NTAQ1: variants seen among roughly 807,000 people sequenced by gnomAD.
NTAQ1 encodes the protein protein N-terminal glutamine amidohydrolase.
NTAQ1 carries 21 observed loss-of-function variants against 28.2 expected under a neutral mutation model. That is an observed-to-expected ratio of 0.74 (90% CI 0.53 to 1.07). The LOEUF (loss-of-function observed/expected upper bound fraction) is 1.07, where lower values mean the gene tolerates loss of function less well. NTAQ1 is among the 50% of genes least tolerant of loss of function. The probability of loss-of-function intolerance (pLI) is 0.00; values close to 1 mark genes in which losing one functional copy is unlikely to be tolerated. For synonymous variants in NTAQ1, 105 were observed against 90.0 expected (o/e 1.17, Z -0.94); for missense variants, 264 against 256.6 (o/e 1.03, Z -0.20).
At chr8:123,419,111 T>TGAGACAGAG (rs1813506685) in intron 1 of NTAQ1, among the ~76,000 whole-genome samples, 2 of 81,638 alleles carry the variant, frequency 2.4e-5, no homozygotes, top group Admixed American at 1.5e-4. Flanking sequence ...TTTTTTTTTT[T>TGAGACAGAG]TTTTTGAGAC....
intron 3 of NTAQ1, among the ~76,000 whole-genome samples, chr8:123,432,005 C>T (rs1020195090): frequency 3.9e-5 from 6 of 152,184 alleles, no homozygotes; most frequent in African/African-American, 1.4e-4. Context: ...CCTTACACAT[C>T]TCATGGCAGC....
intron 1 of NTAQ1, among the ~76,000 whole-genome samples, chr8:123,427,241 TC>T (rs1311960322): frequency 7.4e-6 from 1 of 135,656 alleles, no homozygotes; most frequent in Non-Finnish European, 1.5e-5. Context: ...GTCAAGATGG[TC>T]AAAGCTTTTT....
At chr8:123,473,083 T>G (rs1175568568), downstream of NTAQ1, among the ~76,000 whole-genome samples, 1 of 152,126 alleles carries the variant, frequency 6.6e-6, no homozygotes, top group Non-Finnish European at 1.5e-5. Context: ...TTAGTTTACT[T>G]TTTTTGCAAA....
intron 6 of NTAQ1, among the ~76,000 whole-genome samples, chr8:123,457,805 G>A (rs1273504719): frequency 7.2e-5 from 11 of 151,870 alleles, no homozygotes; most frequent in Non-Finnish European, 4.4e-5. Flanking sequence ...AGGCCGAGGC[G>A]GATGGATCAC....
rs564548380 is a variant in NTAQ1 at position 123,427,993 on chromosome 8, T to C, written c.153T>C (p.Tyr51=). The C allele has an allele frequency of 8.7e-6, 14 of 1,611,304 alleles. No homozygotes were observed. In the South Asian group the frequency reaches 1.2e-4, roughly 14 times the overall value. ...ACCAGTATCCTTTAGAAGAATGTTA[T>C]GCTGTCTTCATATCTAATGAGAGGA... ...NHDQYPLEEC[Y]AVFISNERKM... Residue 51 remains tyrosine (Y), a synonymous_variant, in exon 2 of 6, where the codon TAT becomes TAC. Transcript: ENST00000287387.
chr8:123,443,788 G>T (rs1815167316), downstream of NTAQ1, among the ~76,000 whole-genome samples: 4 of 152,134 alleles, frequency 2.6e-5, no homozygotes, highest in Non-Finnish European at 5.9e-5. Context: ...GCTCAGGCTG[G>T]TCTTGAACTC....
downstream of NTAQ1, among the ~76,000 whole-genome samples, chr8:123,443,024 T>G (rs1815138095): frequency 6.7e-6 from 1 of 149,412 alleles, no homozygotes; most frequent in Non-Finnish European, 1.5e-5. Context: ...TATTTTTATT[T>G]ACTTATTTAT....
downstream of NTAQ1, among the ~76,000 whole-genome samples, chr8:123,473,554 G>C (rs190822494): frequency 6.6e-6 from 1 of 152,268 alleles, no homozygotes; most frequent in Admixed American, 6.5e-5. Context: ...GCTTCCCAAC[G>C]TGCTGGGATT....
chr8:123,434,252 G>T (rs986367968), intron 3 of NTAQ1, among the ~76,000 whole-genome samples: 1 of 152,102 alleles, frequency 6.6e-6, no homozygotes, highest in African/African-American at 2.4e-5. Flanking sequence ...TCTTGAGGGT[G>T]AGAACTTATC....
chr8:123,471,525 G>A (rs1447363758), downstream of NTAQ1, among the ~76,000 whole-genome samples: 2 of 152,166 alleles, frequency 1.3e-5, no homozygotes, highest in African/African-American at 4.8e-5. Context: ...ACAAGCTGGA[G>A]ACCCAGTGGT....
chr8:123,441,222 A>G (rs891850217), intron 5 of NTAQ1, 84 bp from the exon 6 acceptor site: 2 of 1,013,752 alleles, frequency 2.0e-6, no homozygotes, highest in Non-Finnish European at 3.0e-6. Flanking sequence ...AATTTTACCT[A>G]CTTTTGGTCT....
At chr8:123,416,972 C>A in intron 1 of NTAQ1, 40 bp downstream of exon 1, 1 of 1,405,052 alleles carries the variant, frequency 7.1e-7, no homozygotes, top group Non-Finnish European at 9.3e-7. Flanking sequence ...CTCCCAGGCT[C>A]CCGGGCGGCG....
At chr8:123,472,571 A>G (rs1187464513), downstream of NTAQ1, among the ~76,000 whole-genome samples, 3 of 151,942 alleles carry the variant, frequency 2.0e-5, no homozygotes, top group Non-Finnish European at 4.4e-5. Flanking sequence ...GCTCCCCACA[A>G]TATCTGCCTC....
intron 1 of NTAQ1, among the ~76,000 whole-genome samples, chr8:123,419,081 G>GTTTTTTTTTTTTTTTTTT (rs762479894): frequency 1.7e-5 from 2 of 119,920 alleles, no homozygotes; most frequent in Non-Finnish European, 3.4e-5. Flanking sequence ...AGCTTTGGGG[G>GTTTTTTTTTTTTTTTTTT]TTTTTTTTTT....
intron 3 of NTAQ1, chr8:123,435,492 G>A: frequency 1.0e-6 from 1 of 985,410 alleles, no homozygotes; most frequent in African/African-American, 1.7e-5. Flanking sequence ...GATCCTTGCA[G>A]ACGTTTTCCT....
At chr8:123,427,715 C>T (rs1478654366) in intron 1 of NTAQ1, among the ~76,000 whole-genome samples, 1 of 152,152 alleles carries the variant, frequency 6.6e-6, no homozygotes, top group African/African-American at 2.4e-5. Flanking sequence ...AGGTAATTAG[C>T]TCTGTGTGGA....
intron 3 of NTAQ1, among the ~76,000 whole-genome samples, chr8:123,432,861 G>T (rs1814480816): frequency 6.6e-6 from 1 of 151,860 alleles, no homozygotes; most frequent in Admixed American, 6.6e-5. Context: ...TTTATTTTTA[G>T]TAGAGATGGG....
chr8:123,466,359 G>A (rs1006313974), intron 6 of NTAQ1, among the ~76,000 whole-genome samples: 3 of 152,236 alleles, frequency 2.0e-5, no homozygotes, highest in Admixed American at 2.0e-4. Context: ...CCAGTAGCTA[G>A]TGAGTGGAGG....
At chr8:123,430,500 G>A (rs1369539296) in intron 3 of NTAQ1, among the ~76,000 whole-genome samples, 3 of 152,230 alleles carry the variant, frequency 2.0e-5, no homozygotes, top group East Asian at 1.9e-4. Flanking sequence ...ATATTAGGCC[G>A]GGCGCAGTGG....
Sources: gnomAD v4.1 joint callset for allele counts (sites outside exome capture counted in the v4.1 genomes callset) on GRCh38, gnomAD v4.1.1 for gene constraint, MANE v1.5 for transcripts, NCBI Gene and HGNC (gene_info 2026-07-23, HGNC 2026-07-21) for gene names.